The following MYO19 variants were observed in gnomAD, a reference collection of about 807,000 sequenced individuals.
MYO19 encodes unconventional myosin-XIX.
Under a neutral mutation model 129.2 loss-of-function variants are expected in MYO19, and 132 were observed. That is an observed-to-expected ratio of 1.02 (90% CI 0.89 to 1.18). The LOEUF (loss-of-function observed/expected upper bound fraction) is 1.18, where lower values mean the gene tolerates loss of function less well. Among genes scored for constraint, MYO19 ranks in the 50% most tolerant of loss-of-function variants. MYO19 has a pLI of 0.00. For synonymous variants in MYO19, 531 were observed against 477.2 expected (o/e 1.11, Z -1.47); for missense variants, 1,210 against 1,216.7 (o/e 0.99, Z 0.08).
chr17:36,513,441 G>A lies in MYO19; in HGVS notation c.882C>T (p.Asn294=). The A allele has an allele frequency of 6.2e-7, 1 of 1,614,050 alleles. No individual in the cohort carries two copies. Among genetic ancestry groups the A allele is most frequent in the Non-Finnish European group, 8.5e-7 (1 of 1,179,900 alleles). ...LHLGIDTPTQ[N]NIFKVLAGLL... ...CTTTTCTTCTGACCTTAAAGATGTTGTTCTGGGTAGGGGTGTCAATGCCCA... is the reference window on the plus strand; with the variant it reads ...CTTTTCTTCTGACCTTAAAGATGTTATTCTGGGTAGGGGTGTCAATGCCCA... Residue 294 remains asparagine (N), a synonymous_variant, in exon 11 of 26, where the codon AAC becomes AAT. Transcript: ENST00000614623.
chr17:36,498,697 GAACCA>G, intron 24 of MYO19, 138 bp from the exon 25 acceptor site: 1 of 961,632 alleles, frequency 1.0e-6, no homozygotes, highest in South Asian at 1.7e-5. Context: ...TGGCTGCCCT[GAACCA>G]AACTGGTTCC....
At chr17:36,538,217 CT>C (rs2074170228), upstream of MYO19, 1 of 1,612,964 alleles carries the variant, frequency 6.2e-7, no homozygotes, top group Non-Finnish European at 8.5e-7. Context: ...CAAATTTAGC[CT>C]TTTGTATTTG....
rs753252179 is a variant in MYO19 at position 36,500,886 on chromosome 17, C to T, written c.2321G>A (p.Arg774Gln). 24 of 1,606,616 alleles carry T rather than the reference C, an allele frequency of 1.5e-5. No homozygotes were observed. The highest frequency in any genetic ancestry group is 2.2e-5 in the South Asian group (2 of 90,850). Reference protein sequence around the residue: ...CARCIQGGWRRHRHREQERQW... With the variant: ...CARCIQGGWRQHRHREQERQW... ...CCGCTCCTGCTCTCGGTGCCGGTGT[C>T]GCCTCCAGCCACCCTGGATGCAGCG... The change falls in exon 23 of 26, where the codon CGA becomes CAA. Residue 774 changes from arginine (R) to glutamine (Q), a missense_variant. Physicochemically the swap from Arg to Gln is conservative, Grantham distance 43. Transcript: ENST00000614623.
intron 25 of MYO19, 187 bp downstream of exon 25, chr17:36,498,079 T>C (rs2071166291): frequency 1.7e-6 from 1 of 594,636 alleles, no homozygotes; most frequent in Non-Finnish European, 2.8e-6. Context: ...CTCTGGAAGA[T>C]TCCCAGTTAT....
At position 36,498,289 on chromosome 17, in the gene MYO19, T is replaced by G; in HGVS notation, c.2734A>C (p.Thr912Pro). The G allele has an allele frequency of 1.2e-6, 2 of 1,612,838 alleles. No individual in the cohort carries two copies. Among genetic ancestry groups the G allele is most frequent in the Non-Finnish European group, 1.7e-6 (2 of 1,179,180 alleles). ...ACCTGAGGCAGCGCTCGGATGGACG[T>G]GACACCAGCCTGGTCTTGTGCTGTC... ...VQTAQDQAGVTSIRALPQGSI... is the reference protein window; with the variant it reads ...VQTAQDQAGVPSIRALPQGSI... The change falls in exon 25 of 26, where the codon ACG becomes CCG. Residue 912 changes from threonine to proline, a missense_variant. By Grantham distance (38) the Thr-to-Pro change is conservative. Coordinates refer to ENST00000614623, the MANE Select transcript of MYO19 (RefSeq NM_001163735.2).
At chr17:36,517,695 A>G (rs1176050520) in intron 6 of MYO19, among the ~76,000 whole-genome samples, 1 of 152,116 alleles carries the variant, frequency 6.6e-6, no homozygotes, top group Non-Finnish European at 1.5e-5. Context: ...AAGGTATGCC[A>G]CAGACTGAAT....
At position 36,496,059 on chromosome 17, in the gene MYO19, C is replaced by A; in HGVS notation, c.*192G>T. 1 of 852,256 alleles carries A rather than the reference C, an allele frequency of 1.2e-6. No homozygotes were observed. Among genetic ancestry groups the A allele is most frequent in the East Asian group, 2.7e-5 (1 of 37,704 alleles). The allele number at this position is 852,256 out of a possible 1,614,324, so 52.8% of individuals were successfully genotyped here. ...ACTACCAGCCCTGACACCATCAGTG[C>A]TTGATGTAGCCTGGAACCCCAGGCC... On this transcript the variant is annotated 3_prime_UTR_variant, in exon 26 of 26. Coordinates refer to ENST00000614623, the MANE Select transcript of MYO19 (RefSeq NM_001163735.2).
chr17:36,540,030 C>A (rs1457413567), intron 2 of MYO19, among the ~76,000 whole-genome samples: 1 of 151,270 alleles, frequency 6.6e-6, no homozygotes, highest in Non-Finnish European at 1.5e-5. Flanking sequence ...TGGGAGGGCA[C>A]CAAGCACATA....
chr17:36,537,166 T>A, upstream of MYO19: 1 of 1,613,750 alleles, frequency 6.2e-7, no homozygotes, highest in Non-Finnish European at 8.5e-7. Flanking sequence ...GTGCTGGAAA[T>A]CACCCAGGGA....
intron 20 of MYO19, 39 bp downstream of exon 20, chr17:36,503,911 G>A: frequency 8.6e-6 from 13 of 1,512,852 alleles, no homozygotes; most frequent in Non-Finnish European, 1.1e-5. Flanking sequence ...GCCCCACTCT[G>A]TACTGGCCCT....
At chr17:36,539,665 G>A (rs947337894), upstream of MYO19, among the ~76,000 whole-genome samples, 2 of 152,030 alleles carry the variant, frequency 1.3e-5, no homozygotes, top group African/African-American at 4.8e-5. Context: ...TAATAATTAC[G>A]AGACAAAGTT....
intron 13 of MYO19, 43 bp from the exon 14 acceptor site, chr17:36,509,178 G>C: frequency 6.3e-7 from 1 of 1,584,244 alleles, no homozygotes; most frequent in Non-Finnish European, 8.7e-7. Context: ...GGGTCTGGCT[G>C]AGTCAAAGGG....
In MYO19 at chr17:36,496,237, A is replaced by G; in HGVS notation, c.*14T>C. Reference sequence around the variant, plus strand: ...GGGCAGGAAAAGGCCTTGTGGAAACAAAGGCACCAAGGATCACCCCAGCCC... The same window carrying G: ...GGGCAGGAAAAGGCCTTGTGGAAACGAAGGCACCAAGGATCACCCCAGCCC... On this transcript the variant is annotated 3_prime_UTR_variant, in exon 26 of 26. Coordinates refer to ENST00000614623, the MANE Select transcript of MYO19 (RefSeq NM_001163735.2). The G allele has an allele frequency of 6.2e-7, 1 of 1,613,260 alleles. No homozygotes were observed. Among genetic ancestry groups the G allele is most frequent in the Non-Finnish European group, 8.5e-7 (1 of 1,179,370 alleles).
At chr17:36,514,054 AT>A (rs1468272096) in intron 9 of MYO19, among the ~76,000 whole-genome samples, 4 of 152,206 alleles carry the variant, frequency 2.6e-5, no homozygotes, top group African/African-American at 9.6e-5. Context: ...AAAGGGAGAT[AT>A]CCTATCCATG....
At chr17:36,504,912 C>CAAA (rs35146983) in intron 19 of MYO19, 58 of 188,346 alleles carry the variant, frequency 3.1e-4, no homozygotes, top group South Asian at 4.6e-4. Flanking sequence ...GGCTCAGTCT[C>CAAA]AAAAAAAAAA....
At chr17:36,542,688 G>A (rs1730093853) in intron 1 of MYO19, among the ~76,000 whole-genome samples, 1 of 143,202 alleles carries the variant, frequency 7.0e-6, no homozygotes, top group Non-Finnish European at 1.5e-5. Context: ...GACAGAGTGA[G>A]ACTCCGTCTC....
chr17:36,516,741 A>C (rs575691549), intron 6 of MYO19, among the ~76,000 whole-genome samples: 2 of 152,324 alleles, frequency 1.3e-5, no homozygotes, highest in Admixed American at 6.5e-5. Context: ...TTTAACTTCT[A>C]ATTGTTTGTG....
intron 13 of MYO19, 74 bp from the exon 14 acceptor site, chr17:36,509,209 A>G: frequency 7.3e-7 from 1 of 1,361,562 alleles, no homozygotes; most frequent in African/African-American, 1.4e-5. Flanking sequence ...TGCTCCCCCC[A>G]TCAGGGTGCT....
chr17:36,525,357 G>A lies in MYO19; in HGVS notation c.301-16C>T, dbSNP rs749865008. 1.9e-5 allele frequency: 30 copies of A among 1,569,624 alleles called. No homozygotes were observed. Among genetic ancestry groups the A allele is most frequent in the Admixed American group, 1.5e-4 (9 of 59,704 alleles). ...GCTTCAGTTTCTGGAACATCAAGGA[G>A]TGAAAGGTCATGTGAGGGAATGCCT... On this transcript the variant is annotated splice_polypyrimidine_tract_variant and intron_variant, in intron 5 of 25. Coordinates refer to ENST00000614623, the MANE Select transcript of MYO19 (RefSeq NM_001163735.2).
Sources: gnomAD v4.1 joint callset for allele counts (sites outside exome capture counted in the v4.1 genomes callset) on GRCh38, gnomAD v4.1.1 for gene constraint, MANE v1.5 for transcripts, NCBI Gene and HGNC (gene_info 2026-07-23, HGNC 2026-07-21) for gene names.